The following FHIP1A variants were observed in gnomAD, a reference collection of about 807,000 sequenced individuals.
FHIP1A encodes the protein FHF complex subunit HOOK interacting protein 1A.
In FHIP1A, 61 loss-of-function variants were observed where a neutral mutation model predicts 88.6. The observed-to-expected ratio is 0.69, with a 90% confidence interval of 0.56 to 0.85. The LOEUF is 0.85. FHIP1A is among the 40% of genes least tolerant of loss of function. FHIP1A has a pLI of 0.00. For missense variants in FHIP1A, 1,154 were observed against 1,273.5 expected, an observed-to-expected ratio of 0.91 and a Z score of 1.43; for synonymous variants, 478 against 496.0, an observed-to-expected ratio of 0.96 and a Z score of 0.48.
chr4:151,421,868 C>T (rs1289122633), intron 1 of FHIP1A, among the ~76,000 whole-genome samples: 1 of 152,034 alleles, frequency 6.6e-6, no homozygotes, highest in East Asian at 1.9e-4. Flanking sequence ...TCATGGTTTG[C>T]AAAGCACTTT....
At position 151,586,849 on chromosome 4, in the gene FHIP1A, C is replaced by G. The variant is rs1301665870; in HGVS notation, c.891+50C>G. On this transcript the variant is annotated intron_variant, in intron 6 of 13. Coordinates refer to ENST00000435205, the MANE Select transcript of FHIP1A (RefSeq NM_001109977.3). ...CTTTGCTATGGCTTCATTCAGAGCA[C>G]AAGCACTGCAAAGGATTAATTTTAA... is the stretch of plus-strand genomic sequence containing the variant. 9 of 1,316,320 alleles carry G rather than the reference C, an allele frequency of 6.8e-6. No individual in the cohort carries two copies. In the Admixed American group the frequency reaches 2.1e-4, roughly 31 times the overall value. 81.5% of individuals were successfully genotyped at this position (1,316,320 alleles called of 1,614,324 possible). A position where few individuals can be genotyped will look rare whatever the true frequency, so the allele number is the denominator to read the frequency against.
intron 3 of FHIP1A, among the ~76,000 whole-genome samples, chr4:151,543,642 ATTATTATCATACCATGTATATAATT>A (rs1732380595): frequency 6.6e-6 from 1 of 152,194 alleles, no homozygotes; most frequent in South Asian, 2.1e-4. Flanking sequence ...ATTATACATA[ATTATTATCATACCATGTATATAATT>A]TTGCATCTTG....
At chr4:151,642,355 G>C (rs1287422384) in intron 9 of FHIP1A, among the ~76,000 whole-genome samples, 3 of 152,146 alleles carry the variant, frequency 2.0e-5, no homozygotes, top group African/African-American at 7.2e-5. Flanking sequence ...TGTCTTGCCT[G>C]TTGTGTTCAG....
intron 2 of FHIP1A, among the ~76,000 whole-genome samples, chr4:151,474,858 G>A (rs991604486): frequency 6.6e-6 from 1 of 152,192 alleles, no homozygotes; most frequent in African/African-American, 2.4e-5. Context: ...ATAATGTCCA[G>A]GGAATTCTTT....
At chr4:151,452,849 A>G (rs552744781) in intron 1 of FHIP1A, among the ~76,000 whole-genome samples, 3 of 151,996 alleles carry the variant, frequency 2.0e-5, no homozygotes, top group South Asian at 2.1e-4. Context: ...AAACACTGTA[A>G]TGCCATCATC....
At chr4:151,567,484 G>C (rs1176479549) in intron 4 of FHIP1A, among the ~76,000 whole-genome samples, 1 of 151,962 alleles carries the variant, frequency 6.6e-6, no homozygotes, top group Non-Finnish European at 1.5e-5. Context: ...TTTACCATTA[G>C]AATTTTAATG....
intron 7 of FHIP1A, among the ~76,000 whole-genome samples, chr4:151,607,432 C>T (rs1026225477): frequency 6.6e-6 from 1 of 152,184 alleles, no homozygotes; most frequent in Non-Finnish European, 1.5e-5. Context: ...ATTTCTCTAT[C>T]CAGTGACAGC....
At chr4:151,660,890 A>G (rs1476006055) in intron 13 of FHIP1A, among the ~76,000 whole-genome samples, 3 of 152,250 alleles carry the variant, frequency 2.0e-5, no homozygotes, top group Non-Finnish European at 4.4e-5. Context: ...TTTAATCCTT[A>G]TAACAACTCT....
At chr4:151,638,877 C>T (rs1231336834) in intron 9 of FHIP1A, 121 bp downstream of exon 9, 7 of 447,782 alleles carry the variant, frequency 1.6e-5, no homozygotes, top group Non-Finnish European at 2.7e-5. Context: ...GCTAAAAAGG[C>T]GCCAAGCATC....
At chr4:151,560,467 AG>A (rs1733130731) in intron 3 of FHIP1A, among the ~76,000 whole-genome samples, 1 of 152,152 alleles carries the variant, frequency 6.6e-6, no homozygotes, top group South Asian at 2.1e-4. Context: ...ATGAAGTGAG[AG>A]GGTTCTTCTT....
chr4:151,556,972 C>T (rs1293614456), intron 3 of FHIP1A, among the ~76,000 whole-genome samples: 1 of 152,072 alleles, frequency 6.6e-6, no homozygotes, highest in African/African-American at 2.4e-5. Flanking sequence ...CCAACAAATG[C>T]CTCGCTAAGG....
rs373802201 is a variant in FHIP1A at position 151,464,677 on chromosome 4, T to C, written c.-248+9869T>C. ...CACTCACCAGTCATCAGGAAGCTTA[T>C]TGTGTATCTTGAATGTTCAGCCCAA... On this transcript the variant is annotated intron_variant, in intron 2 of 13. Transcript: ENST00000435205. Among the ~76,000 whole-genome samples, 151 of 152,336 alleles carry C rather than the reference T, an allele frequency of 9.9e-4. 1 individual carries two copies. Among genetic ancestry groups the C allele is most frequent in the Middle Eastern group, 3.4e-3 (1 of 294 alleles).
chr4:151,582,011 CT>C (rs35171487), intron 5 of FHIP1A, among the ~76,000 whole-genome samples: 8 of 149,574 alleles, frequency 5.3e-5, no homozygotes, highest in African/African-American at 7.3e-5. Flanking sequence ...GACCCTGTCA[CT>C]TTTTTTTTTA....
intron 3 of FHIP1A, among the ~76,000 whole-genome samples, chr4:151,525,511 G>A (rs558022197): frequency 6.6e-6 from 1 of 152,314 alleles, no homozygotes; most frequent in South Asian, 2.1e-4. Context: ...AGTATTGGGG[G>A]ACAGAGAAGG....
At chr4:151,626,114 T>G (rs1735943581) in intron 7 of FHIP1A, among the ~76,000 whole-genome samples, 1 of 152,236 alleles carries the variant, frequency 6.6e-6, no homozygotes, top group African/African-American at 2.4e-5. Flanking sequence ...ATGTATCACA[T>G]TATGTATATT....
intron 3 of FHIP1A, among the ~76,000 whole-genome samples, chr4:151,545,571 G>A (rs1732469982): frequency 6.6e-6 from 1 of 151,528 alleles, no homozygotes; most frequent in Non-Finnish European, 1.5e-5. Flanking sequence ...TAGAGATGGG[G>A]TTTCACCATG....
At position 151,656,610 on chromosome 4, in the gene FHIP1A, C is replaced by T; in HGVS notation, c.2731-150C>T. On this transcript the variant is annotated intron_variant, in intron 12 of 13. Coordinates refer to ENST00000435205, the MANE Select transcript of FHIP1A (RefSeq NM_001109977.3). The surrounding 1 kb of genome is among the most constrained non-coding windows in gnomAD (Gnocchi z 4.2). ...ATTTAGTTTGATGTTTTGACGGTGC[C>T]CTACGCAGAACACCCAGGCAGTTAA... The T allele has an allele frequency of 2.0e-6, 2 of 999,714 alleles. No homozygotes were observed. The highest frequency in any genetic ancestry group is 2.9e-6 in the Non-Finnish European group (2 of 684,014). The allele number at this position is 999,714 out of a possible 1,614,324, so 61.9% of individuals were successfully genotyped here.
intron 3 of FHIP1A, among the ~76,000 whole-genome samples, chr4:151,527,710 G>C (rs1374822849): frequency 1.3e-5 from 2 of 152,320 alleles, no homozygotes; most frequent in East Asian, 3.9e-4. Flanking sequence ...ATTAAAAGGT[G>C]AATTTCTGTG....
chr4:151,632,548 C>G (rs1736194885), intron 8 of FHIP1A, among the ~76,000 whole-genome samples: 1 of 151,960 alleles, frequency 6.6e-6, no homozygotes, highest in Non-Finnish European at 1.5e-5. Context: ...TCCTCAAGGG[C>G]ACATGGAACA....
Sources: gnomAD v4.1 joint callset for allele counts (sites outside exome capture counted in the v4.1 genomes callset) on GRCh38, gnomAD v4.1.1 for gene constraint, Gnocchi (gnomAD v3.1) non-coding constraint, MANE v1.5 for transcripts, NCBI Gene and HGNC (gene_info 2026-07-23, HGNC 2026-07-21) for gene names.